The following XRCC4 variants were observed in gnomAD, a reference collection of about 807,000 sequenced individuals.
XRCC4 encodes DNA repair protein XRCC4.
Under a neutral mutation model 39.1 loss-of-function variants are expected in XRCC4, and 28 were observed. That is an observed-to-expected ratio of 0.72 (90% CI 0.53 to 0.98). The LOEUF (loss-of-function observed/expected upper bound fraction) is 0.98. Ranked by LOEUF, XRCC4 falls within the 50% of genes least tolerant of loss-of-function variation. The pLI, the probability that XRCC4 is intolerant of heterozygous loss-of-function variation, is 0.00. For missense variants in XRCC4, 350 were observed against 376.4 expected, an observed-to-expected ratio of 0.93 and a Z score of 0.58; for synonymous variants, 123 against 126.4, an observed-to-expected ratio of 0.97 and a Z score of 0.18.
intron 6 of XRCC4, among the ~76,000 whole-genome samples, chr5:83,229,257 G>T (rs192319147): frequency 7.0e-4 from 107 of 152,120 alleles, no homozygotes; most frequent in African/African-American, 2.5e-3. Context: ...GAGTTTTGGG[G>T]CACTGATGTA....
intron 1 of XRCC4, among the ~76,000 whole-genome samples, chr5:83,091,865 C>T (rs1479662395): frequency 6.6e-6 from 1 of 152,114 alleles, no homozygotes; most frequent in Non-Finnish European, 1.5e-5. Flanking sequence ...TTAAAACTTT[C>T]AGGTAAATAC....
intron 5 of XRCC4, 81 bp downstream of exon 5, chr5:83,203,788 G>A (rs1440729109): frequency 2.0e-6 from 3 of 1,519,650 alleles, no homozygotes; most frequent in African/African-American, 2.8e-5. Flanking sequence ...AACATTAGAT[G>A]CCAACTTTTT....
chr5:83,081,045 G>T (rs1744916573), intron 1 of XRCC4, among the ~76,000 whole-genome samples: 1 of 152,182 alleles, frequency 6.6e-6, no homozygotes, highest in South Asian at 2.1e-4. Context: ...AATTAAATTT[G>T]TGGTTAGAAA....
At chr5:83,084,380 A>G (rs966431149) in intron 1 of XRCC4, among the ~76,000 whole-genome samples, 1 of 152,252 alleles carries the variant, frequency 6.6e-6, no homozygotes, top group African/African-American at 2.4e-5. Context: ...GGCTGAAATC[A>G]TTGATCAGGG....
intron 2 of XRCC4, among the ~76,000 whole-genome samples, chr5:83,109,273 C>T (rs374068349): frequency 1.5e-4 from 23 of 151,790 alleles, no homozygotes; most frequent in African/African-American, 5.5e-4. Context: ...AATAATTTAT[C>T]CAATGTTTCA....
chr5:83,127,413 T>A (rs1443505687), intron 3 of XRCC4, among the ~76,000 whole-genome samples: 1 of 152,092 alleles, frequency 6.6e-6, no homozygotes, highest in Non-Finnish European at 1.5e-5. Flanking sequence ...CGAGATCTGA[T>A]GCTTTTATAA....
intron 7 of XRCC4, among the ~76,000 whole-genome samples, chr5:83,312,488 T>A (rs1406121033): frequency 1.3e-5 from 2 of 152,096 alleles, no homozygotes; most frequent in African/African-American, 4.8e-5. Flanking sequence ...TAGGTCAAGA[T>A]GGGAAGATAC....
chr5:83,264,511 T>C (rs144505409), intron 7 of XRCC4, among the ~76,000 whole-genome samples: 99 of 152,262 alleles, frequency 6.5e-4, no homozygotes, highest in East Asian at 3.9e-3. Context: ...AAATGAACTT[T>C]ATTTTATTTG....
intron 3 of XRCC4, among the ~76,000 whole-genome samples, chr5:83,156,666 A>T (rs1366415826): frequency 3.3e-5 from 5 of 152,094 alleles, no homozygotes; most frequent in Admixed American, 3.3e-4. Flanking sequence ...ATATTGCCTT[A>T]AATAGTTCAC....
chr5:83,235,376 AC>A (rs1752651392), intron 6 of XRCC4, among the ~76,000 whole-genome samples: 1 of 151,166 alleles, frequency 6.6e-6, no homozygotes, highest in South Asian at 2.1e-4. Flanking sequence ...AAAAAAAAGT[AC>A]CACTGTTCTC....
chr5:83,170,355 A>T (rs6452531), intron 3 of XRCC4, among the ~76,000 whole-genome samples: 70,796 of 151,884 alleles, frequency 0.47, 17,113 homozygotes, highest in African/African-American at 0.57. Flanking sequence ...TGACATTTGG[A>T]TAAAACTGAG....
intron 6 of XRCC4, among the ~76,000 whole-genome samples, chr5:83,251,350 C>T (rs961088453): frequency 6.6e-6 from 1 of 151,688 alleles, no homozygotes; most frequent in Non-Finnish European, 1.5e-5. Context: ...ATGGTGAAAC[C>T]CCGTCTCTAC....
chr5:83,221,347 A>G (rs1351241441), intron 6 of XRCC4, among the ~76,000 whole-genome samples: 3 of 152,134 alleles, frequency 2.0e-5, no homozygotes, highest in Non-Finnish European at 4.4e-5. Context: ...ACTGATGCAC[A>G]TAAAGGTTAG....
intron 7 of XRCC4, among the ~76,000 whole-genome samples, chr5:83,314,506 G>A (rs1386816997): frequency 1.3e-5 from 2 of 152,080 alleles, no homozygotes; most frequent in African/African-American, 4.8e-5. Context: ...TCATTTTATT[G>A]TGCTTCACTT....
intron 6 of XRCC4, among the ~76,000 whole-genome samples, chr5:83,237,008 A>G (rs1236225239): frequency 6.6e-6 from 1 of 152,162 alleles, no homozygotes; most frequent in Non-Finnish European, 1.5e-5. Context: ...CAAAACTGCA[A>G]TGAGATATCA....
chr5:83,112,148 CT>C (rs1746473010), intron 3 of XRCC4, among the ~76,000 whole-genome samples: 1 of 150,416 alleles, frequency 6.6e-6, no homozygotes, highest in Non-Finnish European at 1.5e-5. Context: ...AATAAACATA[CT>C]TTTTCTAATT....
At chr5:83,151,575 T>C (rs1017150805) in intron 3 of XRCC4, among the ~76,000 whole-genome samples, 1 of 152,192 alleles carries the variant, frequency 6.6e-6, no homozygotes, top group African/African-American at 2.4e-5. Flanking sequence ...TTTAGTTTAG[T>C]TGAGCCTATA....
intron 3 of XRCC4, among the ~76,000 whole-genome samples, chr5:83,160,740 T>C (rs1049358007): frequency 5.3e-5 from 8 of 152,164 alleles, no homozygotes; most frequent in Non-Finnish European, 8.8e-5. Flanking sequence ...ATTTCTATGA[T>C]GTATCTTTTG....
At chr5:83,261,049 TA>T (rs1218037090) in intron 7 of XRCC4, among the ~76,000 whole-genome samples, 2 of 152,020 alleles carry the variant, frequency 1.3e-5, no homozygotes, top group African/African-American at 4.8e-5. Flanking sequence ...ATTTTTTTCT[TA>T]TTTTTTTATA....
Sources: allele counts gnomAD v4.1 joint callset (sites outside exome capture counted in the v4.1 genomes callset), GRCh38; gene constraint gnomAD v4.1.1; transcripts MANE v1.5; gene names NCBI Gene and HGNC (gene_info 2026-07-23, HGNC 2026-07-21).